Variants in FRMD4A observed in about 807,000 individuals in gnomAD.
The protein encoded by FRMD4A is FERM domain containing 4A.
Under a neutral mutation model 129.1 loss-of-function variants are expected in FRMD4A, and 29 were observed. The ratio of observed to expected loss-of-function variants is 0.22; its 90% CI spans 0.17 to 0.31. FRMD4A has a LOEUF of 0.31. Among genes scored for constraint, FRMD4A ranks in the 10% least tolerant of loss-of-function variants. FRMD4A has a pLI of 1.00. For synonymous variants in FRMD4A, 634 were observed against 571.6 expected (o/e 1.11, Z -1.56); for missense variants, 1,272 against 1,375.8 (o/e 0.92, Z 1.19).
rs569652564 is a variant in FRMD4A at position 13,915,603 on chromosome 10, C to T, written c.46-56691G>A. On this transcript the variant is annotated intron_variant, in intron 2 of 24. Transcript: ENST00000357447. ...AGGAGAATAGCATGAACCTGGGAGGCGGAGCTTGCAGTGAGCCGAGATCAC... is the reference window on the plus strand; with the variant it reads ...AGGAGAATAGCATGAACCTGGGAGGTGGAGCTTGCAGTGAGCCGAGATCAC... 3.2e-3 allele frequency among the ~76,000 whole-genome samples: 469 copies of T among 148,384 alleles called. 4 individuals are homozygous for T. Among genetic ancestry groups the T allele is most frequent in the African/African-American group, 0.011 (450 of 40,208 alleles).
chr10:13,755,853 T>C (rs17153925), intron 8 of FRMD4A, among the ~76,000 whole-genome samples: 2,015 of 152,306 alleles, frequency 0.013, 82 homozygotes, highest in South Asian at 0.12. Context: ...CCCCAAGTAT[T>C]CAATCAAAAC....
chr10:14,270,841 C>T (rs1417450602), intron 2 of FRMD4A, among the ~76,000 whole-genome samples: 1 of 152,202 alleles, frequency 6.6e-6, no homozygotes, highest in Non-Finnish European at 1.5e-5. Flanking sequence ...CAAATCACTC[C>T]TAATACTAAA....
At chr10:13,769,763 G>A (rs2092401139) in intron 6 of FRMD4A, among the ~76,000 whole-genome samples, 1 of 152,214 alleles carries the variant, frequency 6.6e-6, no homozygotes, top group Non-Finnish European at 1.5e-5. Context: ...AAAAGATGGA[G>A]GGTGGAGGAG....
chr10:13,970,624 G>A (rs904147126), intron 2 of FRMD4A, among the ~76,000 whole-genome samples: 12 of 152,184 alleles, frequency 7.9e-5, no homozygotes, highest in African/African-American at 2.4e-4. Context: ...ACAAACACCC[G>A]TGAGAGGAGG....
chr10:13,891,262 C>T (rs1190105803), intron 2 of FRMD4A, among the ~76,000 whole-genome samples: 1 of 151,952 alleles, frequency 6.6e-6, no homozygotes, highest in Non-Finnish European at 1.5e-5. Flanking sequence ...TGTCCTGCAC[C>T]CAAAGGAAAG....
intron 2 of FRMD4A, among the ~76,000 whole-genome samples, chr10:14,057,632 G>A (rs372841053): frequency 7.9e-5 from 12 of 151,682 alleles, no homozygotes; most frequent in Admixed American, 2.6e-4. Flanking sequence ...ATGCAATGGC[G>A]CGATCTCTGC....
At chr10:14,098,628 T>C (rs1837131204) in intron 2 of FRMD4A, among the ~76,000 whole-genome samples, 1 of 152,120 alleles carries the variant, frequency 6.6e-6, no homozygotes, top group Non-Finnish European at 1.5e-5. Flanking sequence ...CAGGATGGTC[T>C]CAATCTCCTG....
chr10:13,790,461 C>G (rs1319930369), intron 5 of FRMD4A, among the ~76,000 whole-genome samples: 1 of 152,100 alleles, frequency 6.6e-6, no homozygotes, highest in Non-Finnish European at 1.5e-5. Context: ...GGAGAGAAGA[C>G]AAGCAAGACA....
chr10:13,857,755 C>T (rs994450181), intron 3 of FRMD4A, among the ~76,000 whole-genome samples: 1 of 152,170 alleles, frequency 6.6e-6, no homozygotes, highest in African/African-American at 2.4e-5. Flanking sequence ...AGACACAATG[C>T]TCTAGGACTT....
At chr10:13,849,843 A>C (rs2094116527) in intron 3 of FRMD4A, among the ~76,000 whole-genome samples, 2 of 151,854 alleles carry the variant, frequency 1.3e-5, no homozygotes. Flanking sequence ...TATGAGGGTG[A>C]ATATAAACAT....
At chr10:14,178,540 T>G (rs1589132707) in intron 2 of FRMD4A, among the ~76,000 whole-genome samples, 1 of 152,164 alleles carries the variant, frequency 6.6e-6, no homozygotes, top group Non-Finnish European at 1.5e-5. Flanking sequence ...GTTGAATTGT[T>G]GCAGGGTGAA....
chr10:13,784,192 C>T (rs1399252106), intron 5 of FRMD4A, among the ~76,000 whole-genome samples: 1 of 152,090 alleles, frequency 6.6e-6, no homozygotes, highest in South Asian at 2.1e-4. Flanking sequence ...CTACAGTTTT[C>T]TAGAATAGTG....
At chr10:13,983,211 T>G (rs568726321) in intron 2 of FRMD4A, among the ~76,000 whole-genome samples, 1 of 152,162 alleles carries the variant, frequency 6.6e-6, no homozygotes, top group East Asian at 1.9e-4. Flanking sequence ...GTGTCCCATA[T>G]AAGTGAAATA....
At chr10:14,148,246 C>A (rs1840174011) in intron 2 of FRMD4A, among the ~76,000 whole-genome samples, 1 of 152,172 alleles carries the variant, frequency 6.6e-6, no homozygotes, top group Non-Finnish European at 1.5e-5. Context: ...TTTTAATTAT[C>A]CCCCTTTAGT....
At chr10:13,698,086 T>TGTAGGGAGGGAGGGAGGGAG (rs146479343) in intron 14 of FRMD4A, among the ~76,000 whole-genome samples, 1 of 149,034 alleles carries the variant, frequency 6.7e-6, no homozygotes, top group African/African-American at 2.5e-5. Context: ...GGAGAGCTGA[T>TGTAGGGAGGGAGGGAGGGAG]GGAGGGAGGG....
intron 2 of FRMD4A, among the ~76,000 whole-genome samples, chr10:14,011,401 C>T (rs1194671939): frequency 1.3e-5 from 2 of 152,078 alleles, no homozygotes; most frequent in East Asian, 3.9e-4. Context: ...TTATTAGAGC[C>T]AGGGGCCAGG....
chr10:14,308,943 T>C (rs1846444061), intron 2 of FRMD4A, among the ~76,000 whole-genome samples: 1 of 152,226 alleles, frequency 6.6e-6, no homozygotes, highest in Non-Finnish European at 1.5e-5. Context: ...ATTCAGCCCA[T>C]GCATTTTTAA....
intron 2 of FRMD4A, among the ~76,000 whole-genome samples, chr10:14,017,194 T>C (rs1387837052): frequency 1.3e-5 from 2 of 152,200 alleles, no homozygotes; most frequent in Non-Finnish European, 2.9e-5. Context: ...ATAACGCTCC[T>C]GCAAGATGGC....
chr10:13,679,755 G>A (rs545853770), intron 15 of FRMD4A, among the ~76,000 whole-genome samples: 3 of 152,064 alleles, frequency 2.0e-5, no homozygotes, highest in South Asian at 2.1e-4. Context: ...GCAAGGGCTC[G>A]GAGCTTTCAC....
Sources: gnomAD v4.1 joint callset for allele counts (sites outside exome capture counted in the v4.1 genomes callset) on GRCh38, gnomAD v4.1.1 for gene constraint, MANE v1.5 for transcripts, NCBI Gene and HGNC (gene_info 2026-07-23, HGNC 2026-07-21) for gene names.